The following SHQ1 variants were observed in gnomAD, a reference collection of about 807,000 sequenced individuals.
SHQ1 encodes SHQ1, H/ACA ribonucleoprotein assembly factor.
SHQ1 carries 49 observed loss-of-function variants against 53.8 expected under a neutral mutation model. That is an observed-to-expected ratio of 0.91 (90% CI 0.72 to 1.16). The LOEUF (loss-of-function observed/expected upper bound fraction) is 1.16. Among genes scored for constraint, SHQ1 ranks in the 50% most tolerant of loss-of-function variants. The probability of loss-of-function intolerance (pLI) is 0.00; values close to 1 mark genes in which losing one functional copy is unlikely to be tolerated. For synonymous variants in SHQ1, 243 were observed against 251.0 expected, an observed-to-expected ratio of 0.97 and a Z score of 0.30; for missense variants, 738 against 683.1, an observed-to-expected ratio of 1.08 and a Z score of -0.90.
At chr3:72,797,354 T>C (rs916451634) in intron 9 of SHQ1, among the ~76,000 whole-genome samples, 4 of 152,180 alleles carry the variant, frequency 2.6e-5, no homozygotes, top group African/African-American at 9.7e-5. Context: ...ACTGAGCAAA[T>C]ATGTGAGAGC....
chr3:72,805,066 A>G (rs1247877093), intron 9 of SHQ1, among the ~76,000 whole-genome samples: 6 of 152,240 alleles, frequency 3.9e-5, no homozygotes, highest in Non-Finnish European at 8.8e-5. Flanking sequence ...GAATGCTGTA[A>G]GCAATTGTAA....
In SHQ1 at chr3:72,848,109, C is replaced by T. The variant is rs1428582146; in HGVS notation, c.143+89G>A. ...CGTCGGGAAAAGGCATTCGCGCAAT[C>T]GAGCACTGCTCTCTCGACCTTGCAT... On this transcript the variant is annotated intron_variant, in intron 1 of 10. Transcript: ENST00000325599. The T allele has an allele frequency of 4.0e-6, 6 of 1,511,972 alleles. No homozygotes were observed. The East Asian group carries it at 1.4e-4, about 34-fold the overall frequency. The allele number at this position is 1,511,972 out of a possible 1,614,324, so 93.7% of individuals were successfully genotyped here.
intron 10 of SHQ1, chr3:72,772,887 G>T: frequency 1.3e-6 from 1 of 786,044 alleles, no homozygotes; most frequent in South Asian, 1.4e-5. Flanking sequence ...AATCTGAATT[G>T]GAAGCACAGG....
At chr3:72,733,659 G>A in the SHQ1 span, among the ~76,000 whole-genome samples, 1 of 151,654 alleles carries the variant, frequency 6.6e-6, no homozygotes, top group East Asian at 1.9e-4. Context: ...ATAAATTGAA[G>A]CCCGGGAACA....
the SHQ1 span, among the ~76,000 whole-genome samples, chr3:72,729,826 T>G: frequency 6.6e-6 from 1 of 150,588 alleles, no homozygotes; most frequent in Non-Finnish European, 1.5e-5. Context: ...TTTATTTTAT[T>G]TATTTATTTT....
At chr3:72,798,851 A>G (rs1423456450) in intron 9 of SHQ1, among the ~76,000 whole-genome samples, 3 of 152,230 alleles carry the variant, frequency 2.0e-5, no homozygotes, top group Admixed American at 2.0e-4. Context: ...ATTCTATACA[A>G]TAAGAGCTAA....
intron 10 of SHQ1, among the ~76,000 whole-genome samples, chr3:72,771,458 C>T (rs193128079): frequency 6.6e-6 from 1 of 152,194 alleles, no homozygotes. Context: ...TACTTAAAGA[C>T]GAATATGAAG....
chr3:72,758,356 C>CA (rs1455387274), intron 10 of SHQ1, among the ~76,000 whole-genome samples: 1 of 152,158 alleles, frequency 6.6e-6, no homozygotes, highest in Non-Finnish European at 1.5e-5. Flanking sequence ...GCCAATAACA[C>CA]AACTTCTCAT....
intron 10 of SHQ1, among the ~76,000 whole-genome samples, chr3:72,778,225 T>C (rs1326170635): frequency 1.3e-5 from 2 of 152,132 alleles, no homozygotes; most frequent in Middle Eastern, 3.4e-3. Flanking sequence ...TTTTGAGAGG[T>C]TGAAATGGGA....
Position 72,824,702 on chromosome 3 carries a change from T to A in SHQ1, c.600-151A>T, listed in dbSNP as rs1181116007. 3.2e-6 allele frequency: 3 copies of A among 951,534 alleles called. No homozygotes were observed. The East Asian group carries it at 8.6e-5, about 27-fold the overall frequency. 58.9% of individuals were successfully genotyped at this position (951,534 alleles called of 1,614,324 possible). Reference sequence around the variant, plus strand: ...GACTGAACACTATATTTACTTTCTTTGTAGTTACTAACCACAAACATAAGT... The same window carrying A: ...GACTGAACACTATATTTACTTTCTTAGTAGTTACTAACCACAAACATAAGT... On this transcript the variant is annotated intron_variant, in intron 5 of 10. Coordinates refer to ENST00000325599, the MANE Select transcript of SHQ1 (RefSeq NM_018130.3).
chr3:72,797,461 ATTTG>A (rs1167828284), intron 9 of SHQ1, among the ~76,000 whole-genome samples: 1 of 152,170 alleles, frequency 6.6e-6, no homozygotes, highest in African/African-American at 2.4e-5. Context: ...AAGAAACATT[ATTTG>A]TTTAACAAAA....
chr3:72,838,458 T>G (rs186390834), intron 4 of SHQ1, among the ~76,000 whole-genome samples: 81 of 152,348 alleles, frequency 5.3e-4, no homozygotes, highest in Middle Eastern at 3.4e-3. Context: ...TAAGCCATTT[T>G]AAAAGCTTAG....
chr3:72,809,485 T>A (rs1707053415), intron 9 of SHQ1: 1 of 151,936 alleles, frequency 6.6e-6, no homozygotes, highest in African/African-American at 2.4e-5. Context: ...AAGGCGGAAG[T>A]GAAAGCAAAA....
chr3:72,814,456 C>A (rs574299790), intron 8 of SHQ1: 2 of 152,278 alleles, frequency 1.3e-5, no homozygotes, highest in South Asian at 4.1e-4. Context: ...CTAATGAGCT[C>A]CCAGCTGAAG....
At chr3:72,792,811 A>AAAC (rs1559674466) in intron 10 of SHQ1, 105 bp downstream of exon 10, 16 of 710,228 alleles carry the variant, frequency 2.3e-5, no homozygotes, top group Middle Eastern at 4.5e-4. Context: ...AAAAAAAAAA[A>AAAC]CACAACTTAC....
chr3:72,832,412 G>GCTT lies in SHQ1; in HGVS notation c.553_555dup (p.Lys185dup). The GCTT allele has an allele frequency of 6.2e-7, 1 of 1,612,734 alleles. No individual in the cohort carries two copies. The highest frequency in any genetic ancestry group is 2.2e-5 in the East Asian group (1 of 44,858). Reference sequence around the variant, plus strand: ...AACTTGGCCAGCTCAGCGGCCAGGCGCTTCTGTCTTCGTTCAGCTGCAGGG... The same window carrying GCTT: ...AACTTGGCCAGCTCAGCGGCCAGGCGCTTCTTCTGTCTTCGTTCAGCTGCAGGG... On this transcript the variant is annotated inframe_insertion, in exon 5 of 11. Transcript: ENST00000325599.
At chr3:72,758,927 G>C (rs1705556751) in intron 10 of SHQ1, among the ~76,000 whole-genome samples, 1 of 152,180 alleles carries the variant, frequency 6.6e-6, no homozygotes, top group South Asian at 2.1e-4. Flanking sequence ...TCTCAGGGCA[G>C]AATCCCTTCC....
rs191649140 is a variant in SHQ1, at chr3:72,753,132, A to C, written c.1182-2296T>G. 15 of 985,428 alleles carry C rather than the reference A, an allele frequency of 1.5e-5. No individual in the cohort carries two copies. In the East Asian group the frequency reaches 1.6e-3, roughly 104 times the overall value. The allele number at this position is 985,428 out of a possible 1,614,324, so 61.0% of individuals were successfully genotyped here. ...AAGATGACTACTATTCTTAAGGGGAAATCTGATGTGACAACTGAAGAAAGG... is the reference window on the plus strand; with the variant it reads ...AAGATGACTACTATTCTTAAGGGGACATCTGATGTGACAACTGAAGAAAGG... On this transcript the variant is annotated intron_variant, in intron 10 of 10. Coordinates refer to ENST00000325599, the MANE Select transcript of SHQ1 (RefSeq NM_018130.3).
At chr3:72,826,332 C>T (rs1707655405) in intron 5 of SHQ1, among the ~76,000 whole-genome samples, 1 of 152,200 alleles carries the variant, frequency 6.6e-6, no homozygotes, top group African/African-American at 2.4e-5. Context: ...AGTGAAGGAA[C>T]TCTTTTGAAT....
Sources: allele counts gnomAD v4.1 joint callset (sites outside exome capture counted in the v4.1 genomes callset), GRCh38; gene constraint gnomAD v4.1.1; transcripts MANE v1.5; gene names NCBI Gene and HGNC (gene_info 2026-07-23, HGNC 2026-07-21).